Variants in DBF4 observed in about 807,000 individuals in gnomAD.
DBF4 encodes protein DBF4 homolog A.
A neutral mutation model predicts 76.6 loss-of-function variants in DBF4; 25 were observed. The ratio of observed to expected loss-of-function variants is 0.33; its 90% CI spans 0.24 to 0.46. The LOEUF (loss-of-function observed/expected upper bound fraction) is 0.46. DBF4 is among the 20% of genes least tolerant of loss of function. The pLI is 1.00. For synonymous variants in DBF4, 213 were observed against 258.0 expected (o/e 0.83, Z 1.67); for missense variants, 638 against 760.8 (o/e 0.84, Z 1.90).
In DBF4 at chr7:87,886,446, A is replaced by G. The variant is rs568074996; in HGVS notation, c.400-398A>G. Among the ~76,000 whole-genome samples the G allele has an allele frequency of 5.3e-5, 8 of 151,514 alleles. No homozygotes were observed. The East Asian group carries it at 1.2e-3, about 22-fold the overall frequency. On this transcript the variant is annotated intron_variant, in intron 3 of 11. Transcript: ENST00000265728. ...GCTACTTGGGAGGCTGGGGCAGGAGAATCACTTGAACCCGGGAGGCAGAGG... is the reference window on the plus strand; with the variant it reads ...GCTACTTGGGAGGCTGGGGCAGGAGGATCACTTGAACCCGGGAGGCAGAGG...
At chr7:87,903,470 TGTG>T (rs1839839571) in intron 10 of DBF4, among the ~76,000 whole-genome samples, 1 of 152,222 alleles carries the variant, frequency 6.6e-6, no homozygotes, top group Non-Finnish European at 1.5e-5. Flanking sequence ...CATTCCCAAA[TGTG>T]TTCTTCAATT....
At chr7:87,887,140 T>TG (rs1159798532) in intron 4 of DBF4, among the ~76,000 whole-genome samples, 189 bp from the exon 5 acceptor site, 1 of 152,176 alleles carries the variant, frequency 6.6e-6, no homozygotes, top group African/African-American at 2.4e-5. Flanking sequence ...ACCAAGGATG[T>TG]GGGTATAAAG....
chr7:87,903,498 T>G (rs1339777667), intron 10 of DBF4, among the ~76,000 whole-genome samples: 1 of 152,230 alleles, frequency 6.6e-6, no homozygotes, highest in Non-Finnish European at 1.5e-5. Flanking sequence ...ATCTTGGCTT[T>G]TTTAGTACTT....
In DBF4 at chr7:87,892,802, G is replaced by A. The variant is rs149389009; in HGVS notation, c.598-3672G>A. Among the ~76,000 whole-genome samples, 1,249 of 151,970 alleles carry A rather than the reference G, an allele frequency of 8.2e-3. 16 individuals carry two copies. Among genetic ancestry groups the A allele is most frequent in the Non-Finnish European group, 7.2e-3 (487 of 67,946 alleles). On this transcript the variant is annotated intron_variant, in intron 6 of 11. Coordinates refer to ENST00000265728, the MANE Select transcript of DBF4 (RefSeq NM_006716.4). ...CTTGTGACTTACTCATTGTCCTGTG[G>A]GGTTACTTTTATCATTTGTTTCCAA...
At chr7:87,894,595 CTTACTT>C (rs1839583513) in intron 6 of DBF4, among the ~76,000 whole-genome samples, 1 of 152,318 alleles carries the variant, frequency 6.6e-6, no homozygotes, top group Middle Eastern at 3.4e-3. Context: ...GCCTGAAGGA[CTTACTT>C]TAGCATGTTT....
intron 6 of DBF4, among the ~76,000 whole-genome samples, chr7:87,895,994 C>T (rs1375964335): frequency 6.6e-6 from 1 of 152,184 alleles, no homozygotes; most frequent in Non-Finnish European, 1.5e-5. Flanking sequence ...GTTTTGACTT[C>T]CTTCCACAAT....
At chr7:87,901,517 A>G (rs1584371281) in intron 10 of DBF4, among the ~76,000 whole-genome samples, 1 of 152,342 alleles carries the variant, frequency 6.6e-6, no homozygotes, top group Non-Finnish European at 1.5e-5. Context: ...ATGGTAGTCA[A>G]GGGTTACTAT....
rs768595219 is a variant in DBF4 at position 87,896,463 on chromosome 7, T to TA, written c.598-11_598-10insA. The TA allele has an allele frequency of 7.8e-5, 112 of 1,428,970 alleles. No homozygotes were observed. In the Admixed American group the frequency reaches 1.2e-3, roughly 15 times the overall value. The allele number at this position is 1,428,970 out of a possible 1,614,324, so 88.5% of individuals were successfully genotyped here. A position where few individuals can be genotyped will look rare whatever the true frequency, so the allele number is the denominator to read the frequency against. On this transcript the variant is annotated splice_polypyrimidine_tract_variant and intron_variant, in intron 6 of 11. Coordinates refer to ENST00000265728, the MANE Select transcript of DBF4 (RefSeq NM_006716.4). The stretch of plus-strand genomic sequence containing the variant: ...TCAAAGCCAATCTTTTCACTATATA[T>TA]TTTTTTTTAGGGCAAAAGAGTTGGT...
Position 87,909,466 on chromosome 7 carries a change from T to C in DBF4, c.*1303T>C, listed in dbSNP as rs1839989995. The C allele has an allele frequency of 6.6e-6, 1 of 152,224 alleles. No homozygotes were observed. Among genetic ancestry groups the C allele is most frequent in the Non-Finnish European group, 1.5e-5 (1 of 68,024 alleles). 9.4% of individuals were successfully genotyped at this position (152,224 alleles called of 1,614,324 possible). A position where few individuals can be genotyped will look rare whatever the true frequency, so the allele number is the denominator to read the frequency against. On this transcript the variant is annotated 3_prime_UTR_variant, in exon 12 of 12. Coordinates refer to ENST00000265728, the MANE Select transcript of DBF4 (RefSeq NM_006716.4). ...ATTTTGATCATTTGGATAACATCAA[T>C]GAACACTGGCTTTTTAACACCTTTG...
intron 6 of DBF4, among the ~76,000 whole-genome samples, chr7:87,893,966 A>G (rs991068120): frequency 1.3e-5 from 2 of 152,070 alleles, no homozygotes; most frequent in South Asian, 2.1e-4. Context: ...AGTGGTTGCT[A>G]TAGGATTTAC....
In DBF4 at chr7:87,885,044, T is replaced by G. The variant is rs1268136214; in HGVS notation, c.285T>G (p.Phe95Leu). 2 of 1,613,802 alleles carry G rather than the reference T, an allele frequency of 1.2e-6. No homozygotes were observed. Among genetic ancestry groups the G allele is most frequent in the Non-Finnish European group, 1.7e-6 (2 of 1,179,704 alleles). ...YLISNKKEAK[F>L]AQTLGRISPV... is the part of the protein sequence containing the mutation. ...TTTCAAATAAGAAGGAAGCTAAATT[T>G]GCACAAACCTTGGGTCGAATTTCTC... The change falls in exon 3 of 12, where the codon TTT (phenylalanine) becomes TTG (leucine). Residue 95 changes from phenylalanine (F) to leucine (L), a missense_variant. Physicochemically the swap from Phe to Leu is conservative, Grantham distance 22 (BLOSUM62 0). Coordinates refer to ENST00000265728, the MANE Select transcript of DBF4 (RefSeq NM_006716.4).
Position 87,900,269 on chromosome 7 carries a change from T to A in DBF4, c.729T>A (p.Asn243Lys), listed in dbSNP as rs1839742717. The A allele has an allele frequency of 6.2e-7, 1 of 1,605,222 alleles. No homozygotes were observed. The highest frequency in any genetic ancestry group is 1.7e-5 in the Admixed American group (1 of 58,768). Residue 243 changes from asparagine (N) to lysine (K), a missense_variant, in exon 9 of 12, where the codon AAT (asparagine) becomes AAA (lysine). Coordinates refer to ENST00000265728, the MANE Select transcript of DBF4 (RefSeq NM_006716.4). ...YLQLTNMPFINYSIQKPCSPF... is the reference protein window; with the variant it reads ...YLQLTNMPFIKYSIQKPCSPF... ...AGCTGACCAATATGCCTTTTATAAA[T>A]TATTCTATTCAGAAGCCCTGCAGTC...
chr7:87,888,715 C>T (rs960158368), intron 6 of DBF4, among the ~76,000 whole-genome samples: 9 of 152,140 alleles, frequency 5.9e-5, no homozygotes, highest in Admixed American at 3.3e-4. Flanking sequence ...TTTATACTTC[C>T]CATTCACTTT....
chr7:87,895,289 T>G (rs1239176245), intron 6 of DBF4, among the ~76,000 whole-genome samples: 1 of 152,220 alleles, frequency 6.6e-6, no homozygotes, highest in East Asian at 1.9e-4. Context: ...GTGTTTACCT[T>G]TACTTTTAAA....
chr7:87,883,560 G>T (rs1413137311), intron 2 of DBF4, among the ~76,000 whole-genome samples: 1 of 152,066 alleles, frequency 6.6e-6, no homozygotes, highest in African/African-American at 2.4e-5. Flanking sequence ...TTATTGCCTG[G>T]CCCTTATAGG....
At chr7:87,881,714 A>G (rs1839217126) in intron 2 of DBF4, among the ~76,000 whole-genome samples, 1 of 152,242 alleles carries the variant, frequency 6.6e-6, no homozygotes, top group Non-Finnish European at 1.5e-5. Context: ...ATAACCCTCT[A>G]GGTATTCTTT....
At chr7:87,899,572 A>G (rs959475659) in intron 8 of DBF4, among the ~76,000 whole-genome samples, 6 of 152,220 alleles carry the variant, frequency 3.9e-5, no homozygotes, top group African/African-American at 1.2e-4. Context: ...ACTTTACATT[A>G]TTTAGGATGG....
chr7:87,890,430 G>C (rs1341647186), intron 6 of DBF4, among the ~76,000 whole-genome samples: 3 of 152,166 alleles, frequency 2.0e-5, no homozygotes, highest in Non-Finnish European at 4.4e-5. Context: ...TACTTGGAAG[G>C]CTGATAGAAG....
In DBF4 at chr7:87,878,242, C is replaced by A; in HGVS notation, c.219+17C>A. On this transcript the variant is annotated intron_variant, in intron 2 of 11. Transcript: ENST00000265728. Reference sequence around the variant, plus strand: ...CTGGGAGGGGTAAGTGAAAACCGTACACTGGCATAGAAGGAAAAATTTGTA... The same window carrying A: ...CTGGGAGGGGTAAGTGAAAACCGTAAACTGGCATAGAAGGAAAAATTTGTA... The A allele has an allele frequency of 6.3e-7, 1 of 1,587,374 alleles. No individual in the cohort carries two copies. The highest frequency in any genetic ancestry group is 8.6e-7 in the Non-Finnish European group (1 of 1,169,358).
Sources: gnomAD v4.1 joint callset for allele counts (sites outside exome capture counted in the v4.1 genomes callset) on GRCh38, gnomAD v4.1.1 for gene constraint, MANE v1.5 for transcripts, NCBI Gene and HGNC (gene_info 2026-07-23, HGNC 2026-07-21) for gene names.